Variants in IKZF1 observed in about 807,000 individuals in gnomAD.
IKZF1 encodes the protein DNA-binding protein Ikaros.
In IKZF1, 10 loss-of-function variants were observed where a neutral mutation model predicts 51.7. That is an observed-to-expected ratio of 0.19 (90% CI 0.12 to 0.33). The LOEUF (loss-of-function observed/expected upper bound fraction) is 0.33. IKZF1 is among the 10% of genes least tolerant of loss of function. The pLI, the probability that IKZF1 is intolerant of heterozygous loss-of-function variation, is 1.00. For missense variants in IKZF1, 484 were observed against 707.5 expected (o/e 0.68, Z 3.58); for synonymous variants, 280 against 282.3 (o/e 0.99, Z 0.08).
intron 7 of IKZF1, chr7:50,394,387 C>T (rs1816083659): frequency 4.3e-6 from 1 of 233,180 alleles, no homozygotes; most frequent in Admixed American, 5.6e-5. Context: ...CCCCTCTCCA[C>T]TTCTCGGATG....
At chr7:50,364,363 A>G (rs1178810976) in intron 3 of IKZF1, among the ~76,000 whole-genome samples, 1 of 152,242 alleles carries the variant, frequency 6.6e-6, no homozygotes, top group Non-Finnish European at 1.5e-5. Context: ...TGTGCCTGAG[A>G]GTTTGGGGAA....
chr7:50,356,433 T>C (rs570562918), intron 3 of IKZF1, among the ~76,000 whole-genome samples: 5 of 152,328 alleles, frequency 3.3e-5, no homozygotes, highest in African/African-American at 9.6e-5. Context: ...CAGTTTAATT[T>C]AGACCCAAGA....
chr7:50,389,397 T>G (rs1186163552), intron 6 of IKZF1, among the ~76,000 whole-genome samples: 1 of 152,246 alleles, frequency 6.6e-6, no homozygotes, highest in African/African-American at 2.4e-5. Flanking sequence ...AATATTACCC[T>G]GTGGTGAGTA....
At chr7:50,364,552 C>T (rs1265623190) in intron 3 of IKZF1, among the ~76,000 whole-genome samples, 4 of 152,206 alleles carry the variant, frequency 2.6e-5, no homozygotes. Context: ...ATAATAGCTT[C>T]GCTAATCCCA....
chr7:50,365,965 G>A (rs1389475693), intron 3 of IKZF1, among the ~76,000 whole-genome samples: 1 of 152,196 alleles, frequency 6.6e-6, no homozygotes, highest in Non-Finnish European at 1.5e-5. Context: ...ATGAGATCAT[G>A]CCCTTTGCAG....
chr7:50,344,226 A>G (rs1403039553), intron 3 of IKZF1, among the ~76,000 whole-genome samples: 1 of 152,202 alleles, frequency 6.6e-6, no homozygotes, highest in Non-Finnish European at 1.5e-5. Flanking sequence ...ATGACATGTA[A>G]AGTGGTATTT....
intron 7 of IKZF1, among the ~76,000 whole-genome samples, chr7:50,399,298 T>A (rs1419257785): frequency 6.6e-6 from 1 of 152,206 alleles, no homozygotes; most frequent in Non-Finnish European, 1.5e-5. Context: ...AGAGTTCATC[T>A]ACCTTTGGGT....
At chr7:50,337,227 A>T (rs1196084878) in intron 3 of IKZF1, among the ~76,000 whole-genome samples, 1 of 152,032 alleles carries the variant, frequency 6.6e-6, no homozygotes, top group Non-Finnish European at 1.5e-5. Flanking sequence ...GGACTAGGGG[A>T]TGGTATTTAC....
chr7:50,398,138 T>C (rs1817196173), intron 7 of IKZF1, among the ~76,000 whole-genome samples: 1 of 152,188 alleles, frequency 6.6e-6, no homozygotes, highest in Admixed American at 6.5e-5. Context: ...GTGGAAGGTG[T>C]TGGGACCTTC....
At chr7:50,337,399 T>C (rs1184099734) in intron 3 of IKZF1, among the ~76,000 whole-genome samples, 1 of 152,124 alleles carries the variant, frequency 6.6e-6, no homozygotes, top group Non-Finnish European at 1.5e-5. Context: ...GGTTTCCTCT[T>C]GGCGCTCTTC....
chr7:50,320,211 T>G (rs1320706428), intron 2 of IKZF1, among the ~76,000 whole-genome samples: 2 of 152,232 alleles, frequency 1.3e-5, no homozygotes, highest in African/African-American at 4.8e-5. Context: ...CACATTTATA[T>G]CTTAAATATA....
chr7:50,342,034 T>C (rs972981990), intron 3 of IKZF1, among the ~76,000 whole-genome samples: 3 of 152,212 alleles, frequency 2.0e-5, no homozygotes, highest in Non-Finnish European at 2.9e-5. Context: ...GACTAGTCAT[T>C]TATCAACTCT....
rs570519729 is a variant in IKZF1, at chr7:50,400,784, A to G, written c.*157A>G. The stretch of plus-strand genomic sequence containing the variant: ...TTTTGTTTTTTGTTTGAGTTGGTTG[A>G]TTGGGGTTTGATTTGCTTTTGAAAA... On this transcript the variant is annotated 3_prime_UTR_variant, in exon 8 of 8. Transcript: ENST00000331340. The surrounding 1 kb of genome is among the most constrained non-coding windows in gnomAD (Gnocchi z 5.4). The G allele has an allele frequency of 5.3e-5, 51 of 968,314 alleles. No individual in the cohort carries two copies. In the South Asian group the frequency reaches 7.4e-4, roughly 14 times the overall value. 60.0% of individuals were successfully genotyped at this position (968,314 alleles called of 1,614,324 possible).
At chr7:50,395,698 T>C (rs1368511664) in intron 7 of IKZF1, among the ~76,000 whole-genome samples, 1 of 152,242 alleles carries the variant, frequency 6.6e-6, no homozygotes, top group Non-Finnish European at 1.5e-5. Flanking sequence ...TATTTATGTT[T>C]ATTTTGATTA....
rs184982136 is a variant in IKZF1 at position 50,389,949 on chromosome 7, C to T, written c.716-1780C>T. Among the ~76,000 whole-genome samples, 251 of 152,272 alleles carry T rather than the reference C, an allele frequency of 1.6e-3. 1 individual carries two copies. Among genetic ancestry groups the T allele is most frequent in the African/African-American group, 5.5e-3 (230 of 41,564 alleles). ...AAAACCTCCTTAGATGGGGTGGATT[C>T]AGTAAAATCAAAGCCTCAGTTAGGC... is the stretch of plus-strand genomic sequence containing the variant. On this transcript the variant is annotated intron_variant, in intron 6 of 7. Transcript: ENST00000331340.
chr7:50,399,835 G>C, intron 7 of IKZF1, 83 bp from the exon 8 acceptor site: 1 of 1,512,224 alleles, frequency 6.6e-7, no homozygotes, highest in Non-Finnish European at 8.8e-7. Flanking sequence ...CCCCTCCCCG[G>C]TTGTAGATTT....
At chr7:50,323,211 C>T (rs1793899638) in intron 2 of IKZF1, among the ~76,000 whole-genome samples, 1 of 152,164 alleles carries the variant, frequency 6.6e-6, no homozygotes, top group Non-Finnish European at 1.5e-5. Flanking sequence ...TTATCATTTC[C>T]AACCTGCAGG....
In IKZF1 at chr7:50,393,964, G is replaced by A. The variant is rs141622687; in HGVS notation, c.850+2101G>A. On this transcript the variant is annotated intron_variant, in intron 7 of 7. Coordinates refer to ENST00000331340, the MANE Select transcript of IKZF1 (RefSeq NM_006060.6). ...ACGTTTGCAGCCCCTTTTAGCTTTTGGAGACTTGAAACCAAAGGAGAGATT... is the reference window on the plus strand; with the variant it reads ...ACGTTTGCAGCCCCTTTTAGCTTTTAGAGACTTGAAACCAAAGGAGAGATT... 4.7e-3 allele frequency: 1,102 copies of A among 232,580 alleles called. 5 individuals carry two copies. The highest frequency in any genetic ancestry group is 0.013 in the South Asian group (72 of 5,516). 14.4% of individuals were successfully genotyped at this position (232,580 alleles called of 1,614,324 possible). A position where few individuals can be genotyped will look rare whatever the true frequency, so the allele number is the denominator to read the frequency against.
chr7:50,320,265 T>C (rs989582319), intron 2 of IKZF1, among the ~76,000 whole-genome samples: 4 of 152,222 alleles, frequency 2.6e-5, no homozygotes, highest in Admixed American at 2.6e-4. Context: ...TTGTATATCA[T>C]TGAATATTTT....
Sources: allele counts gnomAD v4.1 joint callset (sites outside exome capture counted in the v4.1 genomes callset), GRCh38; gene constraint gnomAD v4.1.1; non-coding constraint Gnocchi (gnomAD v3.1); transcripts MANE v1.5; gene names NCBI Gene and HGNC (gene_info 2026-07-23, HGNC 2026-07-21).